LNX2: variants seen among roughly 807,000 people sequenced by gnomAD.
The protein encoded by LNX2 is ligand of Numb protein X 2.
In LNX2, 35 loss-of-function variants were observed where a neutral mutation model predicts 66.2. The ratio of observed to expected loss-of-function variants is 0.53; its 90% CI spans 0.40 to 0.70. The LOEUF (loss-of-function observed/expected upper bound fraction) is 0.70, where lower values mean the gene tolerates loss of function less well. Ranked by LOEUF, LNX2 falls within the 30% of genes least tolerant of loss-of-function variation. The pLI is 0.00. For synonymous variants in LNX2, 337 were observed against 315.6 expected (o/e 1.07, Z -0.72); for missense variants, 791 against 850.8 (o/e 0.93, Z 0.87).
rs578031574 is a variant in LNX2, at chr13:27,569,737, C to T, written c.408-461G>A. 1.1e-4 allele frequency among the ~76,000 whole-genome samples: 17 copies of T among 152,290 alleles called. No individual in the cohort carries two copies. In the East Asian group the frequency reaches 2.5e-3, roughly 22 times the overall value. On this transcript the variant is annotated intron_variant, in intron 2 of 9. Coordinates refer to ENST00000316334, the MANE Select transcript of LNX2 (RefSeq NM_153371.4). Reference sequence around the variant, plus strand: ...TGCTTCTACACTCTTCACAGACACACGACACGCTCATTAATTAGTGGGTAG... The same window carrying T: ...TGCTTCTACACTCTTCACAGACACATGACACGCTCATTAATTAGTGGGTAG...
At chr13:27,605,547 C>T (rs1408717233) in intron 1 of LNX2, among the ~76,000 whole-genome samples, 1 of 152,132 alleles carries the variant, frequency 6.6e-6, no homozygotes, top group Non-Finnish European at 1.5e-5. Context: ...TTTCATATAA[C>T]CCTAGTACAG....
chr13:27,598,018 G>A (rs1462612082), intron 1 of LNX2, among the ~76,000 whole-genome samples: 1 of 152,066 alleles, frequency 6.6e-6, no homozygotes, highest in Admixed American at 6.6e-5. Context: ...GAAATAAAAT[G>A]TCTTTCAATT....
chr13:27,549,066 G>C (rs1169175789), intron 9 of LNX2, among the ~76,000 whole-genome samples: 1 of 152,052 alleles, frequency 6.6e-6, no homozygotes, highest in Non-Finnish European at 1.5e-5. Flanking sequence ...GGAAGTAGGA[G>C]GAATACAAAT....
rs1376181261 is a variant in LNX2, at chr13:27,546,983, C to T, written c.*1352G>A. 2 of 152,200 alleles carry T rather than the reference C, an allele frequency of 1.3e-5. No individual in the cohort carries two copies. The highest frequency in any genetic ancestry group is 1.9e-4 in the East Asian group (1 of 5,180). 9.4% of individuals were successfully genotyped at this position (152,200 alleles called of 1,614,324 possible). A position where few individuals can be genotyped will look rare whatever the true frequency, so the allele number is the denominator to read the frequency against. Reference sequence around the variant, plus strand: ...AAAGATACATCTAAAACCTACATTTCCAACAAAACAGAACTTTTCTGTCTC... The same window carrying T: ...AAAGATACATCTAAAACCTACATTTTCAACAAAACAGAACTTTTCTGTCTC... On this transcript the variant is annotated 3_prime_UTR_variant, in exon 10 of 10. Coordinates refer to ENST00000316334, the MANE Select transcript of LNX2 (RefSeq NM_153371.4).
chr13:27,553,763 T>C (rs1405834079), intron 7 of LNX2, among the ~76,000 whole-genome samples: 1 of 152,212 alleles, frequency 6.6e-6, no homozygotes, highest in African/African-American at 2.4e-5. Context: ...ATTTCTCTTC[T>C]TAAGAGTTTC....
intron 2 of LNX2, among the ~76,000 whole-genome samples, chr13:27,577,551 A>T (rs905904412): frequency 1.8e-4 from 27 of 149,032 alleles, no homozygotes; most frequent in African/African-American, 6.4e-4. Flanking sequence ...TGATAAGCTT[A>T]AAAAAAAAAT....
intron 1 of LNX2, among the ~76,000 whole-genome samples, chr13:27,609,182 T>C (rs906251016): frequency 7.3e-4 from 108 of 148,948 alleles, no homozygotes; most frequent in African/African-American, 2.6e-3. Flanking sequence ...AGATGGAGTC[T>C]CGCTCTGTTG....
chr13:27,585,395 C>G (rs1411348716), intron 1 of LNX2, among the ~76,000 whole-genome samples: 1 of 151,294 alleles, frequency 6.6e-6, no homozygotes, highest in Admixed American at 6.6e-5. Context: ...GCACTGCAGC[C>G]TGGGCAACAC....
chr13:27,583,235 T>C (rs1401782464), intron 1 of LNX2, among the ~76,000 whole-genome samples: 274 of 16,932 alleles, frequency 0.016, 34 homozygotes, highest in Non-Finnish European at 0.021. Context: ...TGTGTGTGTG[T>C]GTGTGTGTGT....
At chr13:27,555,834 G>C (rs963510087) in intron 7 of LNX2, among the ~76,000 whole-genome samples, 5 of 152,190 alleles carry the variant, frequency 3.3e-5, no homozygotes, top group Non-Finnish European at 2.9e-5. Context: ...AATGGCAAAT[G>C]CATTTATCCC....
At chr13:27,600,219 C>T (rs570090621) in intron 1 of LNX2, among the ~76,000 whole-genome samples, 1 of 152,252 alleles carries the variant, frequency 6.6e-6, no homozygotes, top group Admixed American at 6.5e-5. Flanking sequence ...ATTTCACATT[C>T]TTTTGTCATA....
At position 27,562,518 on chromosome 13, in the gene LNX2, C is replaced by T. The variant is rs544785681; in HGVS notation, c.1119G>A (p.Gly373=). ...TTAGCCTGCCGTCCTGGGCAGCCAA[C>T]CCCCCTTCCAACAGGTCAAGAATAA... is the stretch of plus-strand genomic sequence containing the variant. ...GVFILDLLEG[G]LAAQDGRLSS... is the part of the protein sequence containing the mutation. The change falls in exon 5 of 10, where the codon GGG becomes GGA. Residue 373 remains glycine (G), a synonymous_variant. Coordinates refer to ENST00000316334, the MANE Select transcript of LNX2 (RefSeq NM_153371.4). 24 of 1,614,156 alleles carry T rather than the reference C, an allele frequency of 1.5e-5. No homozygotes were observed. In the African/African-American group the frequency reaches 2.5e-4, roughly 17 times the overall value.
chr13:27,571,163 C>A (rs768498656), intron 2 of LNX2, among the ~76,000 whole-genome samples: 4 of 152,032 alleles, frequency 2.6e-5, no homozygotes, highest in Non-Finnish European at 5.9e-5. Flanking sequence ...TGAGATGGAC[C>A]AGCCTGAGTA....
chr13:27,587,249 C>T (rs1348589681), intron 1 of LNX2, among the ~76,000 whole-genome samples: 1 of 152,060 alleles, frequency 6.6e-6, no homozygotes, highest in Non-Finnish European at 1.5e-5. Context: ...CATTCCTTAG[C>T]TTCAGCTCAA....
chr13:27,581,710 T>A lies in LNX2; in HGVS notation c.-7A>T. On this transcript the variant is annotated 5_prime_UTR_variant, in exon 2 of 10. It removes the in-frame stop codon of an upstream open reading frame in the 5' UTR. Coordinates refer to ENST00000316334, the MANE Select transcript of LNX2 (RefSeq NM_153371.4). ...CATCACTTGTTGTTCCCATTTTGAATCAATTCTGTATCCTCATGTGTTAGA... is the reference window on the plus strand; with the variant it reads ...CATCACTTGTTGTTCCCATTTTGAAACAATTCTGTATCCTCATGTGTTAGA... 1 of 1,589,614 alleles carries A rather than the reference T, an allele frequency of 6.3e-7. No homozygotes were observed. The highest frequency in any genetic ancestry group is 8.6e-7 in the Non-Finnish European group (1 of 1,167,652).
intron 2 of LNX2, among the ~76,000 whole-genome samples, chr13:27,574,982 C>T (rs1293136203): frequency 6.6e-6 from 1 of 151,988 alleles, no homozygotes; most frequent in Non-Finnish European, 1.5e-5. Context: ...CAGCCGACTT[C>T]AAAAATAAAA....
chr13:27,594,380 C>T (rs2138434047), intron 1 of LNX2, among the ~76,000 whole-genome samples: 1 of 152,204 alleles, frequency 6.6e-6, no homozygotes, highest in South Asian at 2.1e-4. Flanking sequence ...CTCTCCCAAG[C>T]CTCCTGTTTG....
At chr13:27,588,037 A>G (rs1234517225) in intron 1 of LNX2, among the ~76,000 whole-genome samples, 2 of 150,030 alleles carry the variant, frequency 1.3e-5, no homozygotes. Flanking sequence ...AAAAAAAAAA[A>G]AAAAAAAAAA....
intron 1 of LNX2, among the ~76,000 whole-genome samples, chr13:27,617,131 T>A (rs533865252): frequency 6.6e-6 from 1 of 152,192 alleles, no homozygotes. Context: ...AAATAACTTA[T>A]TAACCACAGA....
Sources: allele counts gnomAD v4.1 joint callset (sites outside exome capture counted in the v4.1 genomes callset), GRCh38; gene constraint gnomAD v4.1.1; transcripts MANE v1.5; gene names NCBI Gene and HGNC (gene_info 2026-07-23, HGNC 2026-07-21).